Variants in WSCD2 observed in about 807,000 individuals in gnomAD.
WSCD2 encodes the protein sialate:O-sulfotransferase 2.
In WSCD2, 28 loss-of-function variants were observed where a neutral mutation model predicts 55.7. The ratio of observed to expected loss-of-function variants is 0.50; its 90% CI spans 0.37 to 0.69. The LOEUF (loss-of-function observed/expected upper bound fraction) is 0.69, where lower values mean the gene tolerates loss of function less well. WSCD2 is among the 30% of genes least tolerant of loss of function. The pLI is 0.00. For synonymous variants in WSCD2, 301 were observed against 301.9 expected (o/e 1.00, Z 0.03); for missense variants, 616 against 762.1 (o/e 0.81, Z 2.26).
chr12:108,143,837 A>G lies in WSCD2; in HGVS notation c.-552+13911A>G, dbSNP rs141164561. Among the ~76,000 whole-genome samples the G allele has an allele frequency of 2.6e-3, 389 of 152,252 alleles. 1 individual carries two copies. Among genetic ancestry groups the G allele is most frequent in the African/African-American group, 9.0e-3 (372 of 41,530 alleles). ...CTAGCAAGCCCCCAGCTCCTGTGTC[A>G]GTTTATCAGCGGAAAGCTGTGATGG... is the stretch of plus-strand genomic sequence containing the variant. On this transcript the variant is annotated intron_variant, in intron 1 of 8. Coordinates refer to ENST00000547525, the MANE Select transcript of WSCD2 (RefSeq NM_014653.4).
chr12:108,203,349 C>G (rs1884948527), intron 2 of WSCD2, among the ~76,000 whole-genome samples: 1 of 152,184 alleles, frequency 6.6e-6, no homozygotes, highest in Non-Finnish European at 1.5e-5. Context: ...TTCTCCTACA[C>G]AGATTGGCCT....
chr12:108,211,589 ATTGT>A (rs1348570970), intron 4 of WSCD2, among the ~76,000 whole-genome samples: 2 of 149,680 alleles, frequency 1.3e-5, no homozygotes, highest in African/African-American at 2.5e-5. Context: ...ATAGAAACTC[ATTGT>A]TTGTTTGCTT....
chr12:108,203,180 A>G (rs982033006), intron 2 of WSCD2, among the ~76,000 whole-genome samples: 1 of 152,228 alleles, frequency 6.6e-6, no homozygotes, highest in Non-Finnish European at 1.5e-5. Context: ...CAAGGGACAA[A>G]AATCCACCTT....
chr12:108,163,925 A>T (rs975920162), intron 1 of WSCD2, among the ~76,000 whole-genome samples: 4 of 151,920 alleles, frequency 2.6e-5, no homozygotes, highest in Non-Finnish European at 5.9e-5. Context: ...AAGCATGGAT[A>T]AAAAAAATTA....
chr12:108,183,611 A>C (rs886779314), intron 1 of WSCD2, among the ~76,000 whole-genome samples: 4 of 152,282 alleles, frequency 2.6e-5, no homozygotes, highest in Admixed American at 2.0e-4. Context: ...TGGGCCACTA[A>C]AGGCTTGGGA....
At chr12:108,192,386 C>G (rs946745245) in intron 1 of WSCD2, among the ~76,000 whole-genome samples, 1 of 152,176 alleles carries the variant, frequency 6.6e-6, no homozygotes, top group Non-Finnish European at 1.5e-5. Context: ...GAACCCAGGT[C>G]TGTTTGCCTG....
chr12:108,160,976 A>C (rs1392811870), intron 1 of WSCD2, among the ~76,000 whole-genome samples: 1 of 152,128 alleles, frequency 6.6e-6, no homozygotes, highest in Non-Finnish European at 1.5e-5. Flanking sequence ...GAAGCCACCT[A>C]ACTGGATTAT....
chr12:108,218,413 G>C (rs1428716549), intron 4 of WSCD2, among the ~76,000 whole-genome samples: 1 of 152,192 alleles, frequency 6.6e-6, no homozygotes, highest in Non-Finnish European at 1.5e-5. Context: ...ATGGCTCTCT[G>C]GTGTGGTGCC....
intron 1 of WSCD2, among the ~76,000 whole-genome samples, chr12:108,168,777 A>G (rs1224353789): frequency 6.6e-6 from 1 of 152,196 alleles, no homozygotes; most frequent in Non-Finnish European, 1.5e-5. Flanking sequence ...TTACTGTATG[A>G]GATTCATGGA....
chr12:108,192,554 T>C (rs6539416), intron 1 of WSCD2, among the ~76,000 whole-genome samples: 117,731 of 152,100 alleles, frequency 0.77, 46,182 homozygotes, highest in East Asian at 0.9. Context: ...TTCTCATGTG[T>C]GTTTTTAGAA....
At chr12:108,246,495 T>C (rs1040736519) in intron 8 of WSCD2, among the ~76,000 whole-genome samples, 2 of 152,170 alleles carry the variant, frequency 1.3e-5, no homozygotes, top group African/African-American at 2.4e-5. Context: ...TGATTCCTCT[T>C]CTCTGTTCCC....
At chr12:108,246,496 C>T (rs1890093814) in intron 8 of WSCD2, among the ~76,000 whole-genome samples, 3 of 152,178 alleles carry the variant, frequency 2.0e-5, no homozygotes, top group Admixed American at 2.0e-4. Context: ...GATTCCTCTT[C>T]TCTGTTCCCA....
chr12:108,224,372 C>T (rs183074164), intron 4 of WSCD2, among the ~76,000 whole-genome samples: 1 of 152,134 alleles, frequency 6.6e-6, no homozygotes, highest in African/African-American at 2.4e-5. Flanking sequence ...TCACAAAAAT[C>T]CTCCGTGTAC....
At chr12:108,149,030 T>G (rs1035575455) in intron 1 of WSCD2, among the ~76,000 whole-genome samples, 1 of 152,182 alleles carries the variant, frequency 6.6e-6, no homozygotes, top group Admixed American at 6.5e-5. Flanking sequence ...CCTTTCTGTT[T>G]AGTCAGCAGA....
At chr12:108,230,405 C>T (rs1252380189) in intron 6 of WSCD2, among the ~76,000 whole-genome samples, 3 of 152,198 alleles carry the variant, frequency 2.0e-5, no homozygotes, top group Non-Finnish European at 4.4e-5. Flanking sequence ...CCAGGAACCA[C>T]AATCGATTCT....
intron 8 of WSCD2, among the ~76,000 whole-genome samples, chr12:108,242,866 G>C (rs1418647039): frequency 6.6e-6 from 1 of 152,194 alleles, no homozygotes; most frequent in East Asian, 1.9e-4. Context: ...GCTGAACGGA[G>C]AGGCTGCAGG....
intron 4 of WSCD2, among the ~76,000 whole-genome samples, chr12:108,218,632 C>A (rs1215920645): frequency 2.0e-5 from 3 of 152,180 alleles, no homozygotes; most frequent in African/African-American, 7.2e-5. Flanking sequence ...TGCCCCAGTG[C>A]CTTCAATTAT....
chr12:108,224,432 G>T (rs1385058456), intron 4 of WSCD2, among the ~76,000 whole-genome samples: 1 of 152,234 alleles, frequency 6.6e-6, no homozygotes, highest in African/African-American at 2.4e-5. Context: ...ATGAGGAAGT[G>T]AGGCATGGGA....
chr12:108,148,157 T>TTGTAGGA (rs1201453095), intron 1 of WSCD2, among the ~76,000 whole-genome samples: 11 of 152,190 alleles, frequency 7.2e-5, no homozygotes, highest in Admixed American at 7.2e-4. Context: ...GACCTGTGCA[T>TTGTAGGA]TGTAGGATGT....
Sources: gnomAD v4.1 joint callset for allele counts (sites outside exome capture counted in the v4.1 genomes callset) on GRCh38, gnomAD v4.1.1 for gene constraint, MANE v1.5 for transcripts, NCBI Gene and HGNC (gene_info 2026-07-23, HGNC 2026-07-21) for gene names.